The following NDUFAF6 variants were observed in gnomAD, a reference collection of about 807,000 sequenced individuals.
The protein encoded by NDUFAF6 is NADH:ubiquinone oxidoreductase complex assembly factor 6, also known as NADH dehydrogenase (ubiquinone) complex I, assembly factor 6.
NDUFAF6 carries 45 observed loss-of-function variants against 40.8 expected under a neutral mutation model. The observed-to-expected ratio is 1.10, with a 90% confidence interval of 0.87 to 1.42. The LOEUF (loss-of-function observed/expected upper bound fraction) is 1.42, where lower values mean the gene tolerates loss of function less well. Among genes scored for constraint, NDUFAF6 ranks in the 40% most tolerant of loss-of-function variants. The probability of loss-of-function intolerance (pLI) is 0.00; values close to 1 mark genes in which losing one functional copy is unlikely to be tolerated. For synonymous variants in NDUFAF6, 185 were observed against 155.9 expected (o/e 1.19, Z -1.39); for missense variants, 435 against 418.5 (o/e 1.04, Z -0.34).
chr8:95,033,697 G>A (rs1587040172), intron 2 of NDUFAF6, among the ~76,000 whole-genome samples: 1 of 152,172 alleles, frequency 6.6e-6, no homozygotes, highest in Non-Finnish European at 1.5e-5. Flanking sequence ...CACGGAGAAG[G>A]TGGCATTGGA....
At chr8:94,970,717 T>C (rs544317076) in intron 1 of NDUFAF6, among the ~76,000 whole-genome samples, 18 of 152,376 alleles carry the variant, frequency 1.2e-4, no homozygotes, top group Admixed American at 5.2e-4. Context: ...GAAGAATTTA[T>C]GGTAACACAG....
At position 94,940,123 on chromosome 8, in the gene NDUFAF6, C is replaced by T. The variant is rs141483665; in HGVS notation, c.-935-5360C>T. Reference sequence around the variant, plus strand: ...TATCAGCCAAGCACTCAAGAGATGCCGGTAAACAGGAAAAGACTGAAGGGT... The same window carrying T: ...TATCAGCCAAGCACTCAAGAGATGCTGGTAAACAGGAAAAGACTGAAGGGT... On this transcript the variant is annotated intron_variant, in intron 1 of 14. Transcript: ENST00000396113. 519 of 1,614,112 alleles carry T rather than the reference C, an allele frequency of 3.2e-4. 8 individuals are homozygous for T. In the East Asian group the frequency reaches 9.8e-3, roughly 30 times the overall value.
intron 1 of NDUFAF6, among the ~76,000 whole-genome samples, chr8:95,027,366 C>G (rs1484459064): frequency 6.6e-6 from 1 of 151,412 alleles, no homozygotes; most frequent in African/African-American, 2.4e-5. Flanking sequence ...ATTGCTTGAG[C>G]CTAAGAGTTC....
chr8:95,007,619 A>T (rs1477911162), intron 2 of NDUFAF6, among the ~76,000 whole-genome samples: 1 of 145,336 alleles, frequency 6.9e-6, no homozygotes, highest in Non-Finnish European at 1.5e-5. Context: ...AGCCATGACC[A>T]TGCCACTGCA....
At chr8:95,077,723 A>C (rs1229865093), downstream of NDUFAF6, among the ~76,000 whole-genome samples, 3 of 152,144 alleles carry the variant, frequency 2.0e-5, no homozygotes, top group African/African-American at 7.2e-5. Flanking sequence ...GGAGACGAGG[A>C]GTAGTGTTAG....
chr8:95,049,037 C>G (rs1414808260), intron 7 of NDUFAF6, among the ~76,000 whole-genome samples: 2 of 152,298 alleles, frequency 1.3e-5, no homozygotes, highest in African/African-American at 2.4e-5. Context: ...CCTAGGTGAA[C>G]TCTTGGAAGG....
intron 1 of NDUFAF6, among the ~76,000 whole-genome samples, chr8:94,909,394 G>C (rs1818611433): frequency 1.7e-5 from 1 of 59,226 alleles, no homozygotes; most frequent in Non-Finnish European, 3.7e-5. Flanking sequence ...ACTTCGGGAG[G>C]CCAAGGCGGA....
At chr8:95,103,398 T>C (rs576604560) in exon 3 of NDUFAF6, 4 of 152,344 alleles carry the variant, frequency 2.6e-5, no homozygotes, top group African/African-American at 9.6e-5. Flanking sequence ...GTGGAAATAA[T>C]AATAATGCCT....
At chr8:94,997,289 GACACAC>G (rs57953301) in intron 2 of NDUFAF6, among the ~76,000 whole-genome samples, 2,746 of 94,578 alleles carry the variant, frequency 0.029, 51 homozygotes, top group African/African-American at 0.056. Context: ...CAAGAAGAAA[GACACAC>G]ACACACACAC....
At chr8:94,978,710 T>A (rs746488668) in intron 1 of NDUFAF6, among the ~76,000 whole-genome samples, 8 of 150,948 alleles carry the variant, frequency 5.3e-5, no homozygotes, top group Admixed American at 2.6e-4. Context: ...CAAGACCCTG[T>A]CTCAAAAAAA....
chr8:94,930,245 T>C, intron 1 of NDUFAF6: 2 of 537,154 alleles, frequency 3.7e-6, no homozygotes, highest in South Asian at 2.7e-5. Flanking sequence ...TATATTGATA[T>C]GTTTCCAGAA....
chr8:94,987,727 G>T (rs1309757536), intron 2 of NDUFAF6, among the ~76,000 whole-genome samples: 1 of 152,126 alleles, frequency 6.6e-6, no homozygotes, highest in African/African-American at 2.4e-5. Flanking sequence ...GAGACAAAAA[G>T]AGGAAGCAAG....
At chr8:94,949,799 C>G (rs1181140087) in intron 2 of NDUFAF6, among the ~76,000 whole-genome samples, 1 of 152,134 alleles carries the variant, frequency 6.6e-6, no homozygotes. Context: ...GGGCGCAGAA[C>G]GTTTTTTCCT....
intron 2 of NDUFAF6, among the ~76,000 whole-genome samples, chr8:94,946,491 A>G (rs1409578260): frequency 6.6e-6 from 1 of 151,874 alleles, no homozygotes; most frequent in Non-Finnish European, 1.5e-5. Flanking sequence ...ACTTTAAGCC[A>G]GGAGTTCAAG....
chr8:95,109,971 A>G (rs555495370), intron 4 of NDUFAF6, among the ~76,000 whole-genome samples: 2 of 152,350 alleles, frequency 1.3e-5, no homozygotes, highest in African/African-American at 2.4e-5. Flanking sequence ...TCTTTGAATT[A>G]CCTTAATTTG....
At chr8:95,021,008 C>T (rs10093594), upstream of NDUFAF6, among the ~76,000 whole-genome samples, 19,152 of 152,180 alleles carry the variant, frequency 0.13, 1,252 homozygotes, top group Middle Eastern at 0.23. Flanking sequence ...TAGAGCTCTC[C>T]TCCTATAACC....
At chr8:95,027,031 G>A (rs1451098124) in intron 1 of NDUFAF6, among the ~76,000 whole-genome samples, 1 of 152,112 alleles carries the variant, frequency 6.6e-6, no homozygotes, top group African/African-American at 2.4e-5. Flanking sequence ...GGGCAACAGA[G>A]CAAGACCCTG....
exon 10 of NDUFAF6, chr8:95,076,099 A>T (rs1313598741): frequency 6.4e-6 from 1 of 155,066 alleles, no homozygotes; most frequent in African/African-American, 2.4e-5. Flanking sequence ...ATGTGACATC[A>T]TTAGAAAAAT....
chr8:94,926,847 T>C (rs761212014), intron 1 of NDUFAF6: 2 of 152,170 alleles, frequency 1.3e-5, no homozygotes, highest in Non-Finnish European at 2.9e-5. Context: ...CACCACTGTA[T>C]CATGTAGGTT....
Sources: allele counts gnomAD v4.1 joint callset (sites outside exome capture counted in the v4.1 genomes callset), GRCh38; gene constraint gnomAD v4.1.1; transcripts MANE v1.5; gene names NCBI Gene and HGNC (gene_info 2026-07-23, HGNC 2026-07-21).